Variants in CCDC175 observed in about 807,000 individuals in gnomAD.
CCDC175 encodes coiled-coil domain containing 175, also known as coiled-coil domain-containing protein 175.
Under a neutral mutation model 114.6 loss-of-function variants are expected in CCDC175, and 100 were observed. That is an observed-to-expected ratio of 0.87 (90% confidence interval 0.74 to 1.03). The LOEUF is 1.03. CCDC175 is among the 50% of genes least tolerant of loss of function. The pLI is 0.00. For synonymous variants in CCDC175, 306 were observed against 308.7 expected, an observed-to-expected ratio of 0.99 and a Z score of 0.09; for missense variants, 880 against 917.8, an observed-to-expected ratio of 0.96 and a Z score of 0.53.
intron 6 of CCDC175, among the ~76,000 whole-genome samples, chr14:59,563,401 T>C (rs1896336518): frequency 6.6e-6 from 1 of 152,226 alleles, no homozygotes; most frequent in African/African-American, 2.4e-5. Flanking sequence ...CCCATGGTTA[T>C]TCATTTTGTT....
At chr14:59,534,158 G>A (rs564632812) in intron 13 of CCDC175, among the ~76,000 whole-genome samples, 35 of 152,204 alleles carry the variant, frequency 2.3e-4, no homozygotes, top group African/African-American at 7.2e-4. Flanking sequence ...CTCTTGTTCC[G>A]TTCTCTGAAA....
chr14:59,556,128 A>G (rs1429910715), intron 7 of CCDC175, among the ~76,000 whole-genome samples: 1 of 152,200 alleles, frequency 6.6e-6, no homozygotes, highest in African/African-American at 2.4e-5. Context: ...TTCATATGGA[A>G]CCAAAAAAGA....
Position 59,525,321 on chromosome 14 carries a change from T to C in CCDC175, c.1956A>G (p.Lys652=). Reference sequence around the variant, plus strand: ...TATTTTCCAGGAGCAGAAGATCTGCTTTTTGGTCATTTATATAGAATCCAT... The same window carrying C: ...TATTTTCCAGGAGCAGAAGATCTGCCTTTTGGTCATTTATATAGAATCCAT... The part of the protein sequence containing the change: ...LENGFYINDQ[K]ADLLLLENKK... Residue 652 remains lysine, a synonymous_variant, in exon 16 of 20, where the codon AAA becomes AAG. Coordinates refer to ENST00000537690, the MANE Select transcript of CCDC175 (RefSeq NM_001164399.2). 6.8e-7 allele frequency: 1 copy of C among 1,468,742 alleles called. No individual in the cohort carries two copies. The highest frequency in any genetic ancestry group is 8.9e-7 in the Non-Finnish European group (1 of 1,120,692). The allele number at this position is 1,468,742 out of a possible 1,614,324, so 91.0% of individuals were successfully genotyped here.
intron 14 of CCDC175, 150 bp downstream of exon 14, chr14:59,531,622 G>C: frequency 2.0e-6 from 1 of 509,000 alleles, no homozygotes; most frequent in South Asian, 4.2e-5. Context: ...AGTAGGTGAA[G>C]CAAAAACTAG....
chr14:59,576,656 C>G lies in CCDC175; in HGVS notation c.120G>C (p.Ser40=). The change falls in exon 1 of 20, where the codon TCG becomes TCC. Residue 40 remains serine, a synonymous_variant. Transcript: ENST00000537690. The part of the protein sequence containing the change: ...LCTLPSTLGS[S]VAVEALEQLF... ...GCTGCTCCAGCGCCTCGACCGCGAC[C>G]GAGGAGCCCAGGGTGGAGGGTAAGG... 6.8e-7 allele frequency: 1 copy of G among 1,475,890 alleles called. No homozygotes were observed. The highest frequency in any genetic ancestry group is 1.5e-5 in the African/African-American group (1 of 68,598). 91.4% of individuals were successfully genotyped at this position (1,475,890 alleles called of 1,614,324 possible).
chr14:59,516,536 A>C (rs2139968781), intron 17 of CCDC175, among the ~76,000 whole-genome samples: 1 of 152,366 alleles, frequency 6.6e-6, no homozygotes, highest in Non-Finnish European at 1.5e-5. Flanking sequence ...GAATACTATA[A>C]ACATCTCTAT....
chr14:59,520,638 A>G (rs751569956), intron 17 of CCDC175, among the ~76,000 whole-genome samples: 5 of 152,252 alleles, frequency 3.3e-5, no homozygotes, highest in South Asian at 2.1e-4. Flanking sequence ...AAAATATGGT[A>G]TATCTATACA....
intron 17 of CCDC175, among the ~76,000 whole-genome samples, chr14:59,519,327 A>T (rs983278421): frequency 1.3e-5 from 2 of 152,222 alleles, no homozygotes; most frequent in Non-Finnish European, 2.9e-5. Context: ...AATAAAAAAA[A>T]AGTTCACTTG....
At chr14:59,526,432 C>T (rs1009622722) in intron 15 of CCDC175, among the ~76,000 whole-genome samples, 3 of 151,926 alleles carry the variant, frequency 2.0e-5, no homozygotes, top group Admixed American at 1.3e-4. Flanking sequence ...ATGGTGAAAC[C>T]TCATCTCTAC....
At chr14:59,560,526 G>A (rs145476733) in intron 7 of CCDC175, among the ~76,000 whole-genome samples, 38 of 152,228 alleles carry the variant, frequency 2.5e-4, no homozygotes, top group Admixed American at 1.4e-3. Flanking sequence ...AGGTCAATTC[G>A]GAGGATTTGG....
Position 59,576,672 on chromosome 14 carries a change from GA to G in CCDC175, c.103del (p.Ser35ProfsTer42). 6.7e-7 allele frequency: 1 copy of G among 1,484,416 alleles called. No homozygotes were observed. The highest frequency in any genetic ancestry group is 1.3e-5 in the South Asian group (1 of 78,138). 92.0% of individuals were successfully genotyped at this position (1,484,416 alleles called of 1,614,324 possible). ...GACCGCGACCGAGGAGCCCAGGGTG[GA>G]GGGTAAGGTGCATAACTCCAGGGAG... ...GPSLELCTLP[S>X]TLGSSVAVEA... On this transcript the variant is annotated frameshift_variant, in exon 1 of 20. Coordinates refer to ENST00000537690, the MANE Select transcript of CCDC175 (RefSeq NM_001164399.2). LOFTEE classifies it high-confidence loss of function.
At chr14:59,535,783 G>A (rs1390867414) in intron 13 of CCDC175, among the ~76,000 whole-genome samples, 1 of 152,250 alleles carries the variant, frequency 6.6e-6, no homozygotes, top group Non-Finnish European at 1.5e-5. Flanking sequence ...TGTGCCTGAT[G>A]CTCCACTTGG....
At chr14:59,540,186 A>T (rs1043886421) in intron 11 of CCDC175, among the ~76,000 whole-genome samples, 1 of 152,180 alleles carries the variant, frequency 6.6e-6, no homozygotes, top group Non-Finnish European at 1.5e-5. Flanking sequence ...GTATCATCTC[A>T]TTTACATTCA....
At chr14:59,518,200 C>T (rs1168006643) in intron 17 of CCDC175, among the ~76,000 whole-genome samples, 1 of 152,164 alleles carries the variant, frequency 6.6e-6, no homozygotes, top group East Asian at 1.9e-4. Flanking sequence ...AAATCTTAGA[C>T]CTAAAACCAT....
chr14:59,522,376 C>T (rs774809150), intron 16 of CCDC175, among the ~76,000 whole-genome samples: 8 of 152,106 alleles, frequency 5.3e-5, no homozygotes, highest in Non-Finnish European at 1.0e-4. Flanking sequence ...TGTTTCTAAG[C>T]GTGTATTATA....
At chr14:59,518,307 C>A (rs1007010490) in intron 17 of CCDC175, among the ~76,000 whole-genome samples, 4 of 152,088 alleles carry the variant, frequency 2.6e-5, no homozygotes, top group African/African-American at 9.7e-5. Flanking sequence ...CAACAAAAGC[C>A]AAAATTGACA....
At chr14:59,533,114 A>G (rs544382220) in intron 13 of CCDC175, among the ~76,000 whole-genome samples, 109 of 152,306 alleles carry the variant, frequency 7.2e-4, no homozygotes, top group South Asian at 2.5e-3. Context: ...GATGCAAGAG[A>G]GACAGAGAGA....
intron 17 of CCDC175, among the ~76,000 whole-genome samples, chr14:59,516,547 G>A (rs1231084745): frequency 6.6e-6 from 1 of 152,198 alleles, no homozygotes; most frequent in Non-Finnish European, 1.5e-5. Flanking sequence ...ACATCTCTAT[G>A]CAAATAAGCT....
At chr14:59,551,648 C>G (rs4243616) in intron 7 of CCDC175, among the ~76,000 whole-genome samples, 1 of 151,890 alleles carries the variant, frequency 6.6e-6, no homozygotes, top group African/African-American at 2.4e-5. Flanking sequence ...GCCCACTGAG[C>G]GAGAGCTGAA....
Sources: gnomAD v4.1 joint callset for allele counts (sites outside exome capture counted in the v4.1 genomes callset) on GRCh38, gnomAD v4.1.1 for gene constraint, MANE v1.5 for transcripts, NCBI Gene and HGNC (gene_info 2026-07-23, HGNC 2026-07-21) for gene names.